The following CFAP96 variants were observed in gnomAD, a reference collection of about 807,000 sequenced individuals.
The protein encoded by CFAP96 is cilia-and flagella-associated protein 96.
the CFAP96 span, among the ~76,000 whole-genome samples, chr4:185,420,464 T>A: frequency 6.6e-6 from 1 of 152,174 alleles, no homozygotes; most frequent in East Asian, 1.9e-4. Context: ...CTTGTAAATA[T>A]TTATTCAATG....
chr4:185,444,864 A>G, the CFAP96 span: 1 of 1,140,078 alleles, frequency 8.8e-7, no homozygotes, highest in Non-Finnish European at 1.2e-6. Flanking sequence ...CTTTAAAACC[A>G]ACTCCACAGA....
At chr4:185,447,818 G>T in the CFAP96 span, among the ~76,000 whole-genome samples, 20 of 152,138 alleles carry the variant, frequency 1.3e-4, no homozygotes, top group Admixed American at 4.6e-4. Flanking sequence ...GCTCTAAATT[G>T]CTATGATACC....
the CFAP96 span, among the ~76,000 whole-genome samples, chr4:185,425,079 G>C: frequency 6.6e-6 from 1 of 152,234 alleles, no homozygotes; most frequent in South Asian, 2.1e-4. Flanking sequence ...AGGATGGTAA[G>C]AGTGGCGACA....
At chr4:185,443,343 T>TATATATATATATATTTATATA in the CFAP96 span, among the ~76,000 whole-genome samples, 1 of 19,224 alleles carries the variant, frequency 5.2e-5, no homozygotes, top group Non-Finnish European at 9.8e-5. Context: ...TATATATATA[T>TATATATATATATATTTATATA]TTTTTTTTTT....
At chr4:185,428,441 C>T in the CFAP96 span, among the ~76,000 whole-genome samples, 7 of 150,894 alleles carry the variant, frequency 4.6e-5, no homozygotes, top group East Asian at 9.9e-4. Flanking sequence ...GGCATGGTGG[C>T]GCGTGTCTGT....
At chr4:185,424,854 G>C in the CFAP96 span, among the ~76,000 whole-genome samples, 1 of 152,178 alleles carries the variant, frequency 6.6e-6, no homozygotes, top group Non-Finnish European at 1.5e-5. Flanking sequence ...TCCCAGGGTT[G>C]TTATGAAGAT....
chr4:185,427,574 A>G, the CFAP96 span, among the ~76,000 whole-genome samples: 1 of 151,666 alleles, frequency 6.6e-6, no homozygotes, highest in Non-Finnish European at 1.5e-5. Context: ...AGCCTGACCA[A>G]CATGGTGAAA....
the CFAP96 span, among the ~76,000 whole-genome samples, chr4:185,434,938 G>A: frequency 3.3e-5 from 5 of 152,036 alleles, no homozygotes; most frequent in African/African-American, 1.2e-4. Context: ...GATGGGTTTC[G>A]CCATGTTGGC....
chr4:185,422,674 C>A, the CFAP96 span: 13 of 710,762 alleles, frequency 1.8e-5, no homozygotes, highest in East Asian at 3.2e-5. Flanking sequence ...CTTGATTCTT[C>A]AAATTATTTC....
At chr4:185,422,285 T>C in the CFAP96 span, among the ~76,000 whole-genome samples, 1 of 152,262 alleles carries the variant, frequency 6.6e-6, no homozygotes, top group South Asian at 2.1e-4. Flanking sequence ...CATCTTTTTC[T>C]AATTTGCACA....
chr4:185,429,106 A>G, the CFAP96 span, among the ~76,000 whole-genome samples: 2 of 152,214 alleles, frequency 1.3e-5, no homozygotes, highest in African/African-American at 2.4e-5. Context: ...ATTCCTTTGT[A>G]ATTTGTGAGC....
chr4:185,422,675 A>C, the CFAP96 span: 6 of 752,986 alleles, frequency 8.0e-6, no homozygotes, highest in Admixed American at 1.0e-4. Context: ...TTGATTCTTC[A>C]AATTATTTCA....
chr4:185,447,655 T>TG, the CFAP96 span, among the ~76,000 whole-genome samples: 19,796 of 152,198 alleles, frequency 0.13, 1,746 homozygotes, highest in African/African-American at 0.25. Flanking sequence ...AAGCCATGTA[T>TG]GCATCTCATT....
the CFAP96 span, chr4:185,429,482 T>C: frequency 6.5e-7 from 1 of 1,536,072 alleles, no homozygotes; most frequent in Non-Finnish European, 8.8e-7. Context: ...TATATTACTG[T>C]GGGTGATAAA....
At chr4:185,413,223 A>T in the CFAP96 span, among the ~76,000 whole-genome samples, 8 of 151,938 alleles carry the variant, frequency 5.3e-5, no homozygotes, top group Admixed American at 5.2e-4. Context: ...CCCTGTCTCT[A>T]CTAAAAATAC....
the CFAP96 span, among the ~76,000 whole-genome samples, chr4:185,442,104 A>G: frequency 6.6e-6 from 1 of 152,058 alleles, no homozygotes; most frequent in East Asian, 1.9e-4. Context: ...TTTCTGCCCA[A>G]AAAACCCTTT....
chr4:185,413,834 G>T, the CFAP96 span: 7 of 1,612,762 alleles, frequency 4.3e-6, no homozygotes, highest in African/African-American at 9.4e-5. Context: ...TTTTGAAATA[G>T]GGTCTGTCGT....
chr4:185,408,771 T>C, the CFAP96 span, among the ~76,000 whole-genome samples: 60 of 152,218 alleles, frequency 3.9e-4, no homozygotes, highest in Non-Finnish European at 7.4e-5. Flanking sequence ...CCTGGAACTC[T>C]CTTTTCCCAA....
chr4:185,436,103 A>G, the CFAP96 span: 4 of 1,551,364 alleles, frequency 2.6e-6, no homozygotes, highest in Admixed American at 5.9e-5. Context: ...TTTTCAGCGC[A>G]CAGTCAAAAC....
Sources: allele counts gnomAD v4.1 joint callset (sites outside exome capture counted in the v4.1 genomes callset), GRCh38; gene constraint gnomAD v4.1.1; transcripts MANE v1.5; gene names NCBI Gene and HGNC (gene_info 2026-07-23, HGNC 2026-07-21).